Variants in NRF1 observed in about 807,000 individuals in gnomAD.
NRF1 encodes the protein alpha palindromic-binding protein.
In NRF1, 5 loss-of-function variants were observed where a neutral mutation model predicts 58.5. The ratio of observed to expected loss-of-function variants is 0.09; its 90% CI spans 0.04 to 0.18. NRF1 has a LOEUF of 0.18. NRF1 is among the 10% of genes least tolerant of loss of function. NRF1 has a pLI of 1.00. For missense variants in NRF1, 288 were observed against 657.7 expected (o/e 0.44, Z 6.15); for synonymous variants, 224 against 246.7 (o/e 0.91, Z 0.86).
rs182577832 is a variant in NRF1 at position 129,673,880 on chromosome 7, C to T, written c.338+2337C>T. Among the ~76,000 whole-genome samples, 680 of 152,058 alleles carry T rather than the reference C, an allele frequency of 4.5e-3. 1 individual carries two copies. Among genetic ancestry groups the T allele is most frequent in the Admixed American group, 8.2e-3 (126 of 15,276 alleles). Reference sequence around the variant, plus strand: ...TTTGGCTGGGCATGGTGGCTCATGCCTATAATCCCAGCACTTTGGGAGGCC... The same window carrying T: ...TTTGGCTGGGCATGGTGGCTCATGCTTATAATCCCAGCACTTTGGGAGGCC... On this transcript the variant is annotated intron_variant, in intron 3 of 10. Transcript: ENST00000393232.
chr7:129,713,332 G>A (rs888376835), intron 8 of NRF1, among the ~76,000 whole-genome samples: 6 of 151,898 alleles, frequency 4.0e-5, no homozygotes, highest in South Asian at 2.1e-4. Context: ...CTCATGATCC[G>A]CCTGCCTTGG....
intron 2 of NRF1, among the ~76,000 whole-genome samples, chr7:129,667,134 A>T (rs1331378338): frequency 2.0e-5 from 3 of 152,224 alleles, no homozygotes; most frequent in Non-Finnish European, 4.4e-5. Flanking sequence ...AGGGCCAAAG[A>T]TGTCCATTTT....
At chr7:129,666,940 A>G (rs1490927513) in intron 2 of NRF1, among the ~76,000 whole-genome samples, 1 of 152,250 alleles carries the variant, frequency 6.6e-6, no homozygotes, top group Non-Finnish European at 1.5e-5. Context: ...ATGAGTACAC[A>G]TATAGCCAAA....
rs1803011545 is a variant in NRF1 at position 129,708,990 on chromosome 7, G to A, written c.607-85G>A. The stretch of plus-strand genomic sequence containing the variant: ...CTGGGACCTTCCTGGAAACCTCTCT[G>A]TTTTATAAGGTTAGAATTTAAGGAG... On this transcript the variant is annotated intron_variant, in intron 5 of 10. Transcript: ENST00000393232. 9 of 1,182,160 alleles carry A rather than the reference G, an allele frequency of 7.6e-6. No homozygotes were observed. In the South Asian group the frequency reaches 2.8e-4, roughly 37 times the overall value. The allele number at this position is 1,182,160 out of a possible 1,614,324, so 73.2% of individuals were successfully genotyped here.
At chr7:129,700,802 C>T (rs1802806573) in intron 5 of NRF1, among the ~76,000 whole-genome samples, 2 of 152,094 alleles carry the variant, frequency 1.3e-5, no homozygotes, top group South Asian at 2.1e-4. Flanking sequence ...CATAGTCCCA[C>T]CTACTCAGGA....
rs1361930805 is a variant in NRF1 at position 129,755,060 on chromosome 7, C to A, written c.1391C>A (p.Thr464Asn). ...GTGAGCATGTACCAGACTGTGGTGA[C>A]CAGCCTCGCCCAGGGCAACGGACCA... ...IPVSMYQTVV[T>N]SLAQGNGPVQ... The change falls in exon 11 of 11, where the codon ACC becomes AAC. Residue 464 changes from threonine (T) to asparagine (N), a missense_variant. Physicochemically the swap from Thr to Asn is moderately conservative, Grantham distance 65. Coordinates refer to ENST00000393232, the MANE Select transcript of NRF1 (RefSeq NM_005011.5). This position sits in a 1 kb window ranked among gnomAD's most constrained non-coding sequence, Gnocchi z 5.8. 1 of 1,613,648 alleles carries A rather than the reference C, an allele frequency of 6.2e-7. No homozygotes were observed. Among genetic ancestry groups the A allele is most frequent in the Non-Finnish European group, 8.5e-7 (1 of 1,179,876 alleles).
intron 1 of NRF1, among the ~76,000 whole-genome samples, chr7:129,619,393 CG>C (rs1800721324): frequency 2.4e-5 from 1 of 42,184 alleles, no homozygotes; most frequent in East Asian, 1.0e-3. Flanking sequence ...ACTTGGCATA[CG>C]TGTATATATA....
At chr7:129,735,125 C>T (rs545226717) in intron 10 of NRF1, 20 of 985,428 alleles carry the variant, frequency 2.0e-5, no homozygotes, top group Non-Finnish European at 2.3e-5. Flanking sequence ...CATCTGTCTC[C>T]GCTGGTCAGC....
chr7:129,733,603 C>T (rs1803637322), intron 10 of NRF1, among the ~76,000 whole-genome samples: 1 of 152,190 alleles, frequency 6.6e-6, no homozygotes. Context: ...TCCCCAGGTT[C>T]AGGGTTATAG....
At chr7:129,634,061 T>TACACACACACAC (rs141834786) in intron 1 of NRF1, among the ~76,000 whole-genome samples, 44 of 131,456 alleles carry the variant, frequency 3.3e-4, no homozygotes, top group Admixed American at 1.6e-3. Flanking sequence ...TATATATATA[T>TACACACACACAC]ACACACACAC....
chr7:129,703,859 C>A (rs1177159856), intron 5 of NRF1, among the ~76,000 whole-genome samples: 2 of 152,088 alleles, frequency 1.3e-5, no homozygotes, highest in Admixed American at 1.3e-4. Context: ...TCTTTTTGTA[C>A]TGTTTCTGTT....
Position 129,658,564 on chromosome 7 carries a change from G to A in NRF1, c.223+990G>A, listed in dbSNP as rs145584200. On this transcript the variant is annotated intron_variant, in intron 2 of 10. Coordinates refer to ENST00000393232, the MANE Select transcript of NRF1 (RefSeq NM_005011.5). Reference sequence around the variant, plus strand: ...TATGATTACACCACTGCACTACAGCGTGAGTGACAGAGTGAGAGCCTGTGT... The same window carrying A: ...TATGATTACACCACTGCACTACAGCATGAGTGACAGAGTGAGAGCCTGTGT... Among the ~76,000 whole-genome samples, 595 of 150,660 alleles carry A rather than the reference G, an allele frequency of 3.9e-3. 2 individuals are homozygous for A. The highest frequency in any genetic ancestry group is 7.0e-3 in the Non-Finnish European group (475 of 67,780).
intron 1 of NRF1, among the ~76,000 whole-genome samples, chr7:129,628,915 T>C (rs1800980779): frequency 1.3e-5 from 2 of 152,246 alleles, no homozygotes. Flanking sequence ...TATTAATTCA[T>C]CAAGTTTATG....
intron 1 of NRF1, among the ~76,000 whole-genome samples, chr7:129,614,443 T>TTGTGTGTGTGTG (rs56403369): frequency 0.29 from 41,678 of 145,668 alleles, 7,182 homozygotes; most frequent in Non-Finnish European, 0.4. Flanking sequence ...AAATATGTAT[T>TTGTGTGTGTGTG]TGTGTGTGTG....
intron 1 of NRF1, among the ~76,000 whole-genome samples, chr7:129,622,629 G>C (rs1042578321): frequency 7.3e-5 from 11 of 150,102 alleles, no homozygotes; most frequent in African/African-American, 2.7e-4. Flanking sequence ...GAGTGCAGTG[G>C]CACAATCTTG....
chr7:129,699,730 C>CA lies in NRF1; in HGVS notation c.606+9193dup, dbSNP rs1258369698. The stretch of plus-strand genomic sequence containing the variant: ...TGGGTGACAGAGAGAGACTCCATCT[C>CA]AAAAAAAAAGAAAAAAAAAGAAAGA... On this transcript the variant is annotated intron_variant, in intron 5 of 10. Transcript: ENST00000393232. 3.2e-4 allele frequency among the ~76,000 whole-genome samples: 45 copies of CA among 141,498 alleles called. No individual in the cohort carries two copies. In the East Asian group the frequency reaches 5.3e-3, roughly 17 times the overall value. 92.8% of individuals were successfully genotyped at this position (141,498 alleles called of 152,430 possible). A position where few individuals can be genotyped will look rare whatever the true frequency, so the allele number is the denominator to read the frequency against.
At chr7:129,619,482 G>A (rs1474349623) in intron 1 of NRF1, among the ~76,000 whole-genome samples, 19 of 31,162 alleles carry the variant, frequency 6.1e-4, no homozygotes, top group South Asian at 1.9e-3. Flanking sequence ...GTGTGTGTGT[G>A]TGTGTGTGTA....
chr7:129,748,519 G>C (rs925722163), intron 10 of NRF1, among the ~76,000 whole-genome samples: 6 of 152,190 alleles, frequency 3.9e-5, no homozygotes, highest in Non-Finnish European at 7.3e-5. Context: ...TCCAGACAGA[G>C]AGACCTGCCT....
chr7:129,731,717 C>T (rs1325293747), intron 10 of NRF1, among the ~76,000 whole-genome samples: 1 of 152,110 alleles, frequency 6.6e-6, no homozygotes, highest in African/African-American at 2.4e-5. Flanking sequence ...GCTATCCTCC[C>T]ACCTCAGCCT....
Sources: gnomAD v4.1 joint callset for allele counts (sites outside exome capture counted in the v4.1 genomes callset) on GRCh38, gnomAD v4.1.1 for gene constraint, Gnocchi (gnomAD v3.1) non-coding constraint, MANE v1.5 for transcripts, NCBI Gene and HGNC (gene_info 2026-07-23, HGNC 2026-07-21) for gene names.